Variants in ECSIT observed in about 807,000 individuals in gnomAD.
The protein encoded by ECSIT is evolutionarily conserved signaling intermediate in Toll pathway, mitochondrial.
A neutral mutation model predicts 36.8 loss-of-function variants in ECSIT; 29 were observed. That is an observed-to-expected ratio of 0.79 (90% CI 0.59 to 1.08). ECSIT has a LOEUF of 1.08. Among genes scored for constraint, ECSIT ranks in the 50% least tolerant of loss-of-function variants. The pLI, the probability that ECSIT is intolerant of heterozygous loss-of-function variation, is 0.00. For synonymous variants in ECSIT, 231 were observed against 234.8 expected (o/e 0.98, Z 0.15); for missense variants, 542 against 581.0 (o/e 0.93, Z 0.69).
At chr19:11,515,173 G>C (rs1323043168) in intron 2 of ECSIT, among the ~76,000 whole-genome samples, 2 of 144,402 alleles carry the variant, frequency 1.4e-5, no homozygotes, top group African/African-American at 2.7e-5. Flanking sequence ...GCGCGATCTC[G>C]GCTCATTGCA....
chr19:11,525,761 A>T (rs1972203079), intron 1 of ECSIT: 1 of 126,912 alleles, frequency 7.9e-6, no homozygotes, highest in African/African-American at 2.8e-5. Flanking sequence ...AAAAAAAAAA[A>T]TACAAAATTA....
intron 2 of ECSIT, 37 bp from the exon 3 acceptor site, chr19:11,514,258 C>G: frequency 1.3e-6 from 2 of 1,564,770 alleles, no homozygotes; most frequent in Non-Finnish European, 1.7e-6. Context: ...TCTGGCACCT[C>G]TCAGTGTCTA....
At chr19:11,506,773 G>A (rs1436300076) in intron 7 of ECSIT, among the ~76,000 whole-genome samples, 1 of 152,112 alleles carries the variant, frequency 6.6e-6, no homozygotes, top group Non-Finnish European at 1.5e-5. Flanking sequence ...GACCTCAAAT[G>A]ATCTACCCGC....
Position 11,507,712 on chromosome 19 carries a change from G to T in ECSIT, c.935C>A (p.Pro312Gln). The T allele has an allele frequency of 6.2e-7, 1 of 1,614,056 alleles. No homozygotes were observed. Among genetic ancestry groups the T allele is most frequent in the Non-Finnish European group, 8.5e-7 (1 of 1,180,034 alleles). The change falls in exon 6 of 8, where the codon CCG becomes CAG. Residue 312 changes from proline to glutamine, a missense_variant. Transcript: ENST00000270517. Reference sequence around the variant, plus strand: ...GCTTTAAGCCCTCACCCTCTCCTCCGGGGGCAGCAAGTCAGCTCTGAGGAT... The same window carrying T: ...GCTTTAAGCCCTCACCCTCTCCTCCTGGGGCAGCAAGTCAGCTCTGAGGAT... The part of the protein sequence containing the change: ...YHILRADLLP[P>Q]EEREVEETPE...
At chr19:11,513,320 G>C in intron 3 of ECSIT, 41 bp from the exon 4 acceptor site, 1 of 1,528,854 alleles carries the variant, frequency 6.5e-7, no homozygotes. Context: ...GAGATGGAGG[G>C]GGAGGAGGGA....
intron 1 of ECSIT, among the ~76,000 whole-genome samples, chr19:11,528,202 GTCT>G (rs755410934): frequency 7.2e-5 from 11 of 152,138 alleles, no homozygotes; most frequent in Non-Finnish European, 1.5e-4. Flanking sequence ...TCAATGAAAG[GTCT>G]TCTTTGACCA....
chr19:11,507,779 G>A lies in ECSIT; in HGVS notation c.868C>T (p.Pro290Ser), dbSNP rs779179352. The stretch of plus-strand genomic sequence containing the variant: ...TTGTTGCGGAGCCACAGGGAGAAGG[G>A]GCCCTCAACAAAGACAGGCCGGGCT... The part of the protein sequence containing the change: ...NPARPVFVEG[P>S]FSLWLRNKCV... Residue 290 changes from proline to serine, a missense_variant, in exon 6 of 8, where the codon CCC becomes TCC. Coordinates refer to ENST00000270517, the MANE Select transcript of ECSIT (RefSeq NM_016581.5). The A allele has an allele frequency of 6.8e-6, 11 of 1,614,118 alleles. No homozygotes were observed. In the Middle Eastern group the frequency reaches 6.6e-4, roughly 97 times the overall value.
chr19:11,521,199 A>G (rs571134742), intron 1 of ECSIT, among the ~76,000 whole-genome samples: 2 of 152,186 alleles, frequency 1.3e-5, no homozygotes, highest in African/African-American at 4.8e-5. Flanking sequence ...TTGTTTGCCA[A>G]ATGTTTTTGA....
Position 11,513,844 on chromosome 19 carries a change from C to T in ECSIT, c.474G>A (p.Gln158=). ...QRIFVHYPRQ[Q]ECGIAVLEQM... ...GCTCCAGGACAGCAATCCCACACTC[C>T]TGCTGCCGAGGGTAGTGGACGAAGA... Residue 158 remains glutamine, a synonymous_variant, in exon 3 of 8, where the codon CAG becomes CAA. Transcript: ENST00000270517. 4 of 1,614,166 alleles carry T rather than the reference C, an allele frequency of 2.5e-6. No individual in the cohort carries two copies. Among genetic ancestry groups the T allele is most frequent in the Middle Eastern group, 1.6e-4 (1 of 6,062 alleles).
chr19:11,518,836 C>G (rs1376857086), intron 2 of ECSIT, among the ~76,000 whole-genome samples: 2 of 152,054 alleles, frequency 1.3e-5, no homozygotes, highest in African/African-American at 4.8e-5. Flanking sequence ...GAGGTCAAGA[C>G]TACAGTGAGC....
chr19:11,510,535 C>CA (rs35439392), intron 4 of ECSIT: 15,607 of 138,178 alleles, frequency 0.11, 1,595 homozygotes, highest in African/African-American at 0.27. Flanking sequence ...ATACAGATGC[C>CA]AAAAAAAAAA....
intron 7 of ECSIT, 125 bp downstream of exon 7, chr19:11,507,332 A>G (rs1971767880): frequency 1.3e-6 from 1 of 741,742 alleles, no homozygotes; most frequent in African/African-American, 1.8e-5. Flanking sequence ...GCTGGAGTGC[A>G]GTGGCTCTAT....
intron 1 of ECSIT, among the ~76,000 whole-genome samples, chr19:11,520,373 C>T (rs765847093): frequency 2.8e-4 from 43 of 151,950 alleles, no homozygotes; most frequent in Non-Finnish European, 1.5e-4. Context: ...GGTTTTATCA[C>T]GTTGGCCAGG....
intron 1 of ECSIT, chr19:11,523,470 T>G: frequency 1.1e-6 from 1 of 951,940 alleles, no homozygotes; most frequent in Non-Finnish European, 1.6e-6. Flanking sequence ...GGAGGTGTAA[T>G]GGATGTTAAT....
intron 3 of ECSIT, among the ~76,000 whole-genome samples, 170 bp downstream of exon 3, chr19:11,513,634 G>C (rs886123037): frequency 2.7e-5 from 4 of 149,442 alleles, no homozygotes; most frequent in Non-Finnish European, 6.0e-5. Flanking sequence ...GGGGAGGTCA[G>C]AGGGAGGCAA....
intron 1 of ECSIT, among the ~76,000 whole-genome samples, chr19:11,521,773 C>T (rs10401905): frequency 0.017 from 2,579 of 151,830 alleles, 77 homozygotes; most frequent in African/African-American, 0.059. Flanking sequence ...AAGACTCTGT[C>T]TGAAAAATAA....
At position 11,507,858 on chromosome 19, in the gene ECSIT, G is replaced by A. The variant is rs756577304; in HGVS notation, c.797-8C>T. 2.5e-6 allele frequency: 4 copies of A among 1,613,632 alleles called. No individual in the cohort carries two copies. The African/African-American group carries it at 5.3e-5, about 22-fold the overall frequency. On this transcript the variant is annotated splice_region_variant and splice_polypyrimidine_tract_variant and intron_variant, in intron 5 of 7. Transcript: ENST00000270517. ...GATCGGGACTCTGGATTCCTGGTGT[G>A]GAGACATACATGCCCTGTGCCCTGC...
At chr19:11,508,878 T>C (rs1224783135) in intron 4 of ECSIT, among the ~76,000 whole-genome samples, 2 of 152,072 alleles carry the variant, frequency 1.3e-5, no homozygotes, top group Non-Finnish European at 2.9e-5. Context: ...GCACAGTCCC[T>C]GGCAAATAAT....
chr19:11,522,603 A>G lies in ECSIT; in HGVS notation c.-23-3410T>C, dbSNP rs1356008006. ...GTGGTACATGCCTGTAATCCCAGCT[A>G]CTCAGGAGGCTGAGGTGGGAGAATT... On this transcript the variant is annotated intron_variant, in intron 1 of 7. Coordinates refer to ENST00000270517, the MANE Select transcript of ECSIT (RefSeq NM_016581.5). 7.1e-6 allele frequency: 4 copies of G among 565,524 alleles called. No individual in the cohort carries two copies. The Admixed American group carries it at 9.1e-5, about 13-fold the overall frequency. The allele number at this position is 565,524 out of a possible 1,614,324, so 35.0% of individuals were successfully genotyped here.
Sources: gnomAD v4.1 joint callset for allele counts (sites outside exome capture counted in the v4.1 genomes callset) on GRCh38, gnomAD v4.1.1 for gene constraint, MANE v1.5 for transcripts, NCBI Gene and HGNC (gene_info 2026-07-23, HGNC 2026-07-21) for gene names.